ROR1: variants seen among roughly 807,000 people sequenced by gnomAD.
The protein encoded by ROR1 is ROR family WNT receptor 1.
Under a neutral mutation model 78.8 loss-of-function variants are expected in ROR1, and 19 were observed. The observed-to-expected ratio is 0.24, with a 90% CI of 0.17 to 0.35. The LOEUF (loss-of-function observed/expected upper bound fraction) is 0.35, where lower values mean the gene tolerates loss of function less well. ROR1 is among the 10% of genes least tolerant of loss of function. The pLI, the probability that ROR1 is intolerant of heterozygous loss-of-function variation, is 1.00. For synonymous variants in ROR1, 386 were observed against 433.6 expected (o/e 0.89, Z 1.36); for missense variants, 917 against 1,177.8 (o/e 0.78, Z 3.24).
At chr1:64,089,532 T>C (rs530314894) in intron 4 of ROR1, among the ~76,000 whole-genome samples, 1 of 152,254 alleles carries the variant, frequency 6.6e-6, no homozygotes, top group South Asian at 2.1e-4. Context: ...CATTAAGAAC[T>C]GTTCGTGTAA....
At chr1:63,809,638 C>A (rs1188004133) in intron 1 of ROR1, among the ~76,000 whole-genome samples, 2 of 152,046 alleles carry the variant, frequency 1.3e-5, no homozygotes, top group Non-Finnish European at 1.5e-5. Flanking sequence ...AGCAGAGAGA[C>A]CATGGAAAGG....
At chr1:64,050,083 T>G (rs1423681234) in intron 3 of ROR1, 105 bp downstream of exon 3, 26 of 1,278,738 alleles carry the variant, frequency 2.0e-5, no homozygotes, top group Non-Finnish European at 2.8e-5. Context: ...TTAGTGAGAA[T>G]GTACTCTGTG....
intron 4 of ROR1, among the ~76,000 whole-genome samples, chr1:64,058,535 T>A (rs1401829269): frequency 6.6e-6 from 1 of 151,954 alleles, no homozygotes; most frequent in South Asian, 2.1e-4. Flanking sequence ...TGTTTTTTAC[T>A]ATGAAAAGCT....
intron 2 of ROR1, among the ~76,000 whole-genome samples, chr1:64,032,811 T>G (rs1646671984): frequency 6.6e-6 from 1 of 152,220 alleles, no homozygotes; most frequent in Admixed American, 6.5e-5. Context: ...CTTTTTGTAC[T>G]CAACTTTTAA....
chr1:63,988,933 C>A (rs1210794777), intron 1 of ROR1, among the ~76,000 whole-genome samples: 1 of 152,122 alleles, frequency 6.6e-6, no homozygotes, highest in Admixed American at 6.6e-5. Context: ...ATAAATGCTG[C>A]CATGAGTATG....
intron 2 of ROR1, among the ~76,000 whole-genome samples, chr1:64,041,776 T>C (rs1307981238): frequency 1.3e-5 from 2 of 152,202 alleles, no homozygotes; most frequent in African/African-American, 2.4e-5. Flanking sequence ...GAAAATGTGT[T>C]CGGCCAGCAC....
intron 1 of ROR1, among the ~76,000 whole-genome samples, chr1:63,984,459 T>C (rs1448575687): frequency 2.0e-5 from 3 of 152,180 alleles, no homozygotes; most frequent in Non-Finnish European, 4.4e-5. Context: ...AGGATTATAT[T>C]AAGTGCATAG....
chr1:63,902,080 G>A (rs1313722896), intron 1 of ROR1, among the ~76,000 whole-genome samples: 1 of 152,096 alleles, frequency 6.6e-6, no homozygotes, highest in Non-Finnish European at 1.5e-5. Context: ...TTATATTTTC[G>A]ATGGTTGGAC....
intron 1 of ROR1, among the ~76,000 whole-genome samples, chr1:63,959,405 C>T (rs142391870): frequency 0.014 from 2,159 of 152,158 alleles, 59 homozygotes; most frequent in African/African-American, 0.05. Flanking sequence ...GTGATTTGAT[C>T]CATGGTTTGG....
intron 5 of ROR1, among the ~76,000 whole-genome samples, chr1:64,139,534 G>A (rs1021167997): frequency 6.6e-6 from 1 of 152,130 alleles, no homozygotes; most frequent in Non-Finnish European, 1.5e-5. Context: ...ACTAATATTC[G>A]ATGATACACA....
intron 1 of ROR1, among the ~76,000 whole-genome samples, chr1:63,932,395 C>T (rs769501712): frequency 2.6e-5 from 4 of 152,100 alleles, no homozygotes; most frequent in Non-Finnish European, 4.4e-5. Context: ...ACTCAGGTCT[C>T]GGCAAGAATA....
At chr1:64,076,585 A>G (rs559078120) in intron 4 of ROR1, among the ~76,000 whole-genome samples, 2 of 152,296 alleles carry the variant, frequency 1.3e-5, no homozygotes, top group Non-Finnish European at 2.9e-5. Flanking sequence ...GTTTACAAAT[A>G]GTGGTACAAT....
chr1:64,156,890 G>A (rs1305560523), intron 7 of ROR1, among the ~76,000 whole-genome samples: 1 of 152,078 alleles, frequency 6.6e-6, no homozygotes. Flanking sequence ...TAGCTAGAAT[G>A]GTGGGCAAAA....
chr1:63,831,849 C>T (rs1644991016), intron 1 of ROR1, among the ~76,000 whole-genome samples: 1 of 152,224 alleles, frequency 6.6e-6, no homozygotes, highest in Admixed American at 6.5e-5. Flanking sequence ...CCCTTTTAAA[C>T]ATAAATCCCA....
At chr1:63,994,466 CTTT>C in intron 1 of ROR1, among the ~76,000 whole-genome samples, 1 of 152,154 alleles carries the variant, frequency 6.6e-6, no homozygotes, top group South Asian at 2.1e-4. Flanking sequence ...AATTTATTAC[CTTT>C]TTAAAGGCTT....
chr1:64,015,351 G>A (rs1354898520), intron 2 of ROR1, among the ~76,000 whole-genome samples: 3 of 152,188 alleles, frequency 2.0e-5, no homozygotes, highest in Non-Finnish European at 4.4e-5. Flanking sequence ...TCATGCCCAT[G>A]TTGTGATAGG....
intron 1 of ROR1, among the ~76,000 whole-genome samples, chr1:63,867,578 G>A (rs1448508819): frequency 6.6e-6 from 1 of 152,202 alleles, no homozygotes; most frequent in African/African-American, 2.4e-5. Context: ...CATGATAGCA[G>A]GCGACTCCCT....
intron 1 of ROR1, among the ~76,000 whole-genome samples, chr1:63,864,770 CTT>C (rs954049156): frequency 4.7e-5 from 7 of 149,470 alleles, no homozygotes; most frequent in Non-Finnish European, 1.0e-4. Context: ...CCTTTTCTCT[CTT>C]TGAAGCTTTC....
intron 1 of ROR1, among the ~76,000 whole-genome samples, chr1:63,812,204 T>C (rs1458572392): frequency 6.6e-6 from 1 of 152,110 alleles, no homozygotes; most frequent in Non-Finnish European, 1.5e-5. Context: ...TAGTGATCTG[T>C]CCGCCTCAGC....
Sources: gnomAD v4.1 joint callset for allele counts (sites outside exome capture counted in the v4.1 genomes callset) on GRCh38, gnomAD v4.1.1 for gene constraint, MANE v1.5 for transcripts, NCBI Gene and HGNC (gene_info 2026-07-23, HGNC 2026-07-21) for gene names.